Variants in ENTREP2 observed in about 807,000 individuals in gnomAD.
The protein encoded by ENTREP2 is endosomal transmembrane epsin interactor 2.
chr15:29,627,882 T>C, the ENTREP2 span, among the ~76,000 whole-genome samples: 4,272 of 152,366 alleles, frequency 0.028, 99 homozygotes, highest in Middle Eastern at 0.085. Context: ...ATTTCATTTA[T>C]TCATCCATCC....
chr15:29,366,637 A>G, the ENTREP2 span, among the ~76,000 whole-genome samples: 1 of 152,130 alleles, frequency 6.6e-6, no homozygotes, highest in Admixed American at 6.5e-5. Flanking sequence ...CTCCATCACT[A>G]GAATTTCAGA....
At chr15:29,521,000 G>A in the ENTREP2 span, among the ~76,000 whole-genome samples, 13 of 152,312 alleles carry the variant, frequency 8.5e-5, no homozygotes, top group South Asian at 2.7e-3. Context: ...AAGTTGATCT[G>A]TAGAAGTGCT....
chr15:29,474,365 C>A, the ENTREP2 span, among the ~76,000 whole-genome samples: 2 of 152,150 alleles, frequency 1.3e-5, no homozygotes, highest in East Asian at 1.9e-4. Context: ...CCTGAGATGA[C>A]AGTTCACACA....
chr15:29,364,725 A>C, the ENTREP2 span, among the ~76,000 whole-genome samples: 2 of 152,218 alleles, frequency 1.3e-5, no homozygotes, highest in Non-Finnish European at 2.9e-5. Flanking sequence ...GATGCCTTTA[A>C]AAATTTTTTT....
the ENTREP2 span, among the ~76,000 whole-genome samples, chr15:29,535,044 G>C: frequency 6.6e-6 from 1 of 152,012 alleles, no homozygotes; most frequent in African/African-American, 2.4e-5. Context: ...TCAGGAGTTT[G>C]AGACAGCCTG....
chr15:29,451,590 C>T, the ENTREP2 span, among the ~76,000 whole-genome samples: 1 of 152,208 alleles, frequency 6.6e-6, no homozygotes, highest in East Asian at 1.9e-4. Flanking sequence ...GACTGAAATG[C>T]ATGAAAGGAT....
At chr15:29,524,337 C>T in the ENTREP2 span, among the ~76,000 whole-genome samples, 7 of 152,262 alleles carry the variant, frequency 4.6e-5, no homozygotes, top group Admixed American at 1.3e-4. Flanking sequence ...ATCACAATCA[C>T]AAGGATGGCT....
chr15:29,323,489 A>G, the ENTREP2 span, among the ~76,000 whole-genome samples: 1 of 152,048 alleles, frequency 6.6e-6, no homozygotes, highest in Non-Finnish European at 1.5e-5. Flanking sequence ...TGTCCTTTCT[A>G]ATATCCTTTA....
the ENTREP2 span, among the ~76,000 whole-genome samples, chr15:29,135,681 C>CT: frequency 1.2e-3 from 186 of 152,322 alleles, 1 homozygote; most frequent in African/African-American, 4.3e-3. The surrounding 1 kb of genome is among the most constrained non-coding windows in gnomAD (Gnocchi z 7.4). Flanking sequence ...GATGAGGAAA[C>CT]TGAGGCTCCA....
At chr15:29,136,422 G>A in the ENTREP2 span, 3 of 1,541,550 alleles carry the variant, frequency 1.9e-6, no homozygotes, top group African/African-American at 2.8e-5. Context: ...AGCTCAGCAG[G>A]ATAGAGCAGG....
the ENTREP2 span, among the ~76,000 whole-genome samples, chr15:29,206,636 C>T: frequency 4.7e-4 from 71 of 152,020 alleles, no homozygotes; most frequent in Admixed American, 4.7e-3. Flanking sequence ...GGGACTCAGT[C>T]GGGGACAGGG....
the ENTREP2 span, among the ~76,000 whole-genome samples, chr15:29,174,103 T>C: frequency 2.0e-5 from 3 of 152,246 alleles, no homozygotes; most frequent in African/African-American, 7.2e-5. Flanking sequence ...GAGTACTTGT[T>C]ATGATTGCAA....
chr15:29,405,261 T>C, the ENTREP2 span, among the ~76,000 whole-genome samples: 2 of 152,134 alleles, frequency 1.3e-5, no homozygotes, highest in South Asian at 4.1e-4. Context: ...TGGTGGCATA[T>C]GCCTGTAATC....
the ENTREP2 span, among the ~76,000 whole-genome samples, chr15:29,514,454 T>C: frequency 6.6e-6 from 1 of 152,248 alleles, no homozygotes; most frequent in Non-Finnish European, 1.5e-5. Context: ...TATCCACTCA[T>C]CTACTGATGG....
At chr15:29,580,009 C>A in the ENTREP2 span, among the ~76,000 whole-genome samples, 3 of 151,914 alleles carry the variant, frequency 2.0e-5, no homozygotes, top group Admixed American at 6.6e-5. Flanking sequence ...CGCGCCCGGC[C>A]AATTTTTTCT....
At chr15:29,132,694 A>G in the ENTREP2 span, among the ~76,000 whole-genome samples, 1 of 152,204 alleles carries the variant, frequency 6.6e-6, no homozygotes, top group Non-Finnish European at 1.5e-5. Context: ...GAAAACAGTA[A>G]AACTGTGAAC....
chr15:29,472,436 CACACACACACACACACA>C, the ENTREP2 span, among the ~76,000 whole-genome samples: 1 of 135,560 alleles, frequency 7.4e-6, no homozygotes, highest in African/African-American at 3.0e-5. Flanking sequence ...ACAACACACA[CACACACACACACACACA>C]CACACACACA....
the ENTREP2 span, chr15:29,570,442 C>A: frequency 1.8e-6 from 2 of 1,090,242 alleles, no homozygotes; most frequent in South Asian, 4.4e-5. Flanking sequence ...GCGGCCGCAG[C>A]GCCTAGCCCC....
the ENTREP2 span, among the ~76,000 whole-genome samples, chr15:29,490,383 C>G: frequency 1.3e-5 from 2 of 151,884 alleles, no homozygotes; most frequent in Non-Finnish European, 2.9e-5. Flanking sequence ...ACAAAACCTC[C>G]ACAACATGGA....
Sources: allele counts gnomAD v4.1 joint callset (sites outside exome capture counted in the v4.1 genomes callset), GRCh38; gene constraint gnomAD v4.1.1; non-coding constraint Gnocchi (gnomAD v3.1); transcripts MANE v1.5; gene names NCBI Gene and HGNC (gene_info 2026-07-23, HGNC 2026-07-21).